Variants in MYO9B observed in about 807,000 individuals in gnomAD.
MYO9B encodes the protein myosin IXB, also known as unconventional myosin-IXb.
In MYO9B, 71 loss-of-function variants were observed where a neutral mutation model predicts 229.5. The observed-to-expected ratio is 0.31, with a 90% CI of 0.26 to 0.38. MYO9B has a LOEUF of 0.38. Among genes scored for constraint, MYO9B ranks in the 10% least tolerant of loss-of-function variants. The pLI, the probability that MYO9B is intolerant of heterozygous loss-of-function variation, is 1.00. For synonymous variants in MYO9B, 1,185 were observed against 1,235.8 expected (o/e 0.96, Z 0.86); for missense variants, 2,255 against 2,920.5 (o/e 0.77, Z 5.25).
intron 2 of MYO9B, among the ~76,000 whole-genome samples, chr19:17,114,486 G>A (rs899221215): frequency 6.6e-6 from 1 of 152,042 alleles, no homozygotes; most frequent in African/African-American, 2.4e-5. Flanking sequence ...GGTGCGTGAG[G>A]ATCTGGCTTT....
intron 7 of MYO9B, among the ~76,000 whole-genome samples, chr19:17,157,956 G>A (rs573340021): frequency 1.3e-5 from 2 of 152,144 alleles, no homozygotes; most frequent in South Asian, 2.1e-4. Context: ...CTCCTCCACC[G>A]GTTCTCAGCC....
Position 17,101,103 on chromosome 19 carries a change from TG to T in MYO9B, c.-58-552del, listed in dbSNP as rs1288662874. 2.8e-5 allele frequency among the ~76,000 whole-genome samples: 4 copies of T among 144,204 alleles called. No homozygotes were observed. The highest frequency in any genetic ancestry group is 5.0e-4 in the South Asian group (2 of 3,964). 94.6% of individuals were successfully genotyped at this position (144,204 alleles called of 152,430 possible). On this transcript the variant is annotated intron_variant, in intron 1 of 39. Transcript: ENST00000682292. This position sits in a 1 kb window ranked among gnomAD's most constrained non-coding sequence, Gnocchi z 4.7. ...GAGGCTGCCTCTGGATGGGGTGGGA[TG>T]GGGGCTGGGATGGAGCAAACTCAGG...
chr19:17,122,244 A>G (rs972955815), intron 2 of MYO9B, among the ~76,000 whole-genome samples: 2 of 152,180 alleles, frequency 1.3e-5, no homozygotes, highest in African/African-American at 4.8e-5. Flanking sequence ...GAAGCCATCA[A>G]AAGTTGCCTG....
intron 1 of MYO9B, among the ~76,000 whole-genome samples, chr19:17,096,418 G>C (rs2057688884): frequency 6.6e-6 from 1 of 152,074 alleles, no homozygotes; most frequent in South Asian, 2.1e-4. Flanking sequence ...TGTAATCCCA[G>C]GACTTTGGGA....
At chr19:17,158,500 C>T (rs1181449518) in intron 7 of MYO9B, among the ~76,000 whole-genome samples, 2 of 151,752 alleles carry the variant, frequency 1.3e-5, no homozygotes, top group Admixed American at 1.3e-4. Context: ...GAGGCTGAGA[C>T]AGGAGAATCA....
In MYO9B at chr19:17,202,224, A is replaced by G. The variant is rs200932663; in HGVS notation, c.4757A>G (p.Asn1586Ser). The change falls in exon 28 of 40, where the codon AAC becomes AGC. Residue 1586 changes from asparagine (N) to serine (S), a missense_variant. Asn to Ser is a conservative substitution (Grantham distance 46). Around this residue, in one of 7 missense-constraint regions of MYO9B, gnomAD observed 416 missense variants for 605.5 expected, o/e 0.69. Coordinates refer to ENST00000682292, the MANE Select transcript of MYO9B (RefSeq NM_004145.4). ...ACTGAGCGTGGCCAGAAGGACACCA[A>G]CCTGGTCCTCAACCTCTTCCAGTCA... is the stretch of plus-strand genomic sequence containing the variant. The part of the protein sequence containing the change: ...LATERGQKDT[N>S]LVLNLFQSLL... 6.8e-5 allele frequency: 110 copies of G among 1,611,472 alleles called. No individual in the cohort carries two copies. In the African/African-American group the frequency reaches 1.3e-3, roughly 19 times the overall value.
chr19:17,197,035 A>G (rs2073050495), intron 22 of MYO9B, among the ~76,000 whole-genome samples: 1 of 152,030 alleles, frequency 6.6e-6, no homozygotes, highest in African/African-American at 2.4e-5. Context: ...CAACACTTTG[A>G]GAGGCTGAGG....
At chr19:17,090,688 C>A (rs973826496) in intron 1 of MYO9B, among the ~76,000 whole-genome samples, 1 of 152,086 alleles carries the variant, frequency 6.6e-6, no homozygotes, top group Non-Finnish European at 1.5e-5. Flanking sequence ...ATTGTCTGTG[C>A]GTGGGATGGT....
At position 17,200,087 on chromosome 19, in the gene MYO9B, G is replaced by A. The variant is rs141008127; in HGVS notation, c.4239-206G>A. ...AGGGTTTTGCCATGTTGGCCAGGCT[G>A]GTCTCAAACTCCTGACCTCAGATGA... On this transcript the variant is annotated intron_variant, in intron 24 of 39. Coordinates refer to ENST00000682292, the MANE Select transcript of MYO9B (RefSeq NM_004145.4). Among the ~76,000 whole-genome samples the A allele has an allele frequency of 1.8e-3, 281 of 152,196 alleles. 1 individual carries two copies. The highest frequency in any genetic ancestry group is 6.5e-3 in the African/African-American group (271 of 41,532).
At chr19:17,208,693 A>G (rs1053074812) in intron 35 of MYO9B, among the ~76,000 whole-genome samples, 5 of 152,148 alleles carry the variant, frequency 3.3e-5, no homozygotes, top group Non-Finnish European at 5.9e-5. Flanking sequence ...CACCGCTTCC[A>G]GCCTAAAACA....
At chr19:17,076,514 G>A (rs2057485719) in intron 1 of MYO9B, among the ~76,000 whole-genome samples, 1 of 152,076 alleles carries the variant, frequency 6.6e-6, no homozygotes, top group South Asian at 2.1e-4. Flanking sequence ...GGAGAGGAGG[G>A]AAGAGAAGGA....
intron 5 of MYO9B, 57 bp downstream of exon 5, chr19:17,154,123 T>C: frequency 1.3e-6 from 2 of 1,527,422 alleles, no homozygotes; most frequent in Non-Finnish European, 1.8e-6. Context: ...CCTCAAGCTG[T>C]TTATGTATAG....
chr19:17,190,144 G>A (rs553178494), intron 19 of MYO9B, among the ~76,000 whole-genome samples: 38 of 151,652 alleles, frequency 2.5e-4, no homozygotes, highest in Admixed American at 1.9e-3. Flanking sequence ...TTTGGGTCAC[G>A]TGACCCATTT....
At chr19:17,094,618 A>G (rs1416941349) in intron 1 of MYO9B, among the ~76,000 whole-genome samples, 1 of 152,186 alleles carries the variant, frequency 6.6e-6, no homozygotes, top group Non-Finnish European at 1.5e-5. Flanking sequence ...AATTAAGGAA[A>G]AGTCACAAAA....
intron 20 of MYO9B, among the ~76,000 whole-genome samples, chr19:17,191,866 C>T (rs1447264536): frequency 6.6e-6 from 1 of 152,274 alleles, no homozygotes; most frequent in East Asian, 1.9e-4. Flanking sequence ...GTCTCAACTG[C>T]TTGGCAGGCT....
At chr19:17,143,414 G>T (rs1368964827) in intron 2 of MYO9B, among the ~76,000 whole-genome samples, 1 of 152,162 alleles carries the variant, frequency 6.6e-6, no homozygotes, top group Non-Finnish European at 1.5e-5. Context: ...AAGCCGAGAA[G>T]GAGGGAGGCC....
intron 30 of MYO9B, 150 bp from the exon 31 acceptor site, chr19:17,205,113 T>C: frequency 1.7e-6 from 1 of 595,686 alleles, no homozygotes; most frequent in Non-Finnish European, 2.9e-6. Context: ...ATCACGCCAT[T>C]GCGCTCTAGC....
intron 3 of MYO9B, among the ~76,000 whole-genome samples, chr19:17,149,074 A>G (rs947681649): frequency 2.2e-4 from 34 of 152,272 alleles, no homozygotes; most frequent in African/African-American, 7.7e-4. Context: ...TCCTGGAGTC[A>G]AGCGATCCTC....
intron 1 of MYO9B, among the ~76,000 whole-genome samples, chr19:17,097,995 C>A (rs2057708711): frequency 6.6e-6 from 1 of 152,028 alleles, no homozygotes; most frequent in Non-Finnish European, 1.5e-5. Context: ...ATTGTACCAT[C>A]CTTTATTCTT....
Sources: allele counts gnomAD v4.1 joint callset (sites outside exome capture counted in the v4.1 genomes callset), GRCh38; gene constraint gnomAD v4.1.1; regional missense constraint gnomAD v4.1.1; non-coding constraint Gnocchi (gnomAD v3.1); transcripts MANE v1.5; gene names NCBI Gene and HGNC (gene_info 2026-07-23, HGNC 2026-07-21).